The following LARP1B variants were observed in gnomAD, a reference collection of about 807,000 sequenced individuals.
LARP1B encodes the protein La ribonucleoprotein 1B.
In LARP1B, 76 loss-of-function variants were observed where a neutral mutation model predicts 114.2. The ratio of observed to expected loss-of-function variants is 0.67; its 90% CI spans 0.55 to 0.81. The LOEUF is 0.81. Among genes scored for constraint, LARP1B ranks in the 30% least tolerant of loss-of-function variants. LARP1B has a pLI of 0.00. For missense variants in LARP1B, 1,014 were observed against 1,075.8 expected, an observed-to-expected ratio of 0.94 and a Z score of 0.80; for synonymous variants, 345 against 348.0, an observed-to-expected ratio of 0.99 and a Z score of 0.10.
chr4:128,072,118 G>T (rs1486036169), intron 1 of LARP1B, among the ~76,000 whole-genome samples: 1 of 152,018 alleles, frequency 6.6e-6, no homozygotes, highest in Non-Finnish European at 1.5e-5. Context: ...TCGTGCCTCA[G>T]CCTCCAGAGT....
At chr4:128,169,513 T>A (rs1047201196) in intron 12 of LARP1B, among the ~76,000 whole-genome samples, 1 of 152,176 alleles carries the variant, frequency 6.6e-6, no homozygotes, top group Non-Finnish European at 1.5e-5. Flanking sequence ...TCCTGAAATC[T>A]ATTTTTTTGA....
chr4:128,073,572 GTT>G (rs568197117), intron 1 of LARP1B, among the ~76,000 whole-genome samples: 20 of 39,988 alleles, frequency 5.0e-4, no homozygotes, highest in Non-Finnish European at 7.5e-4. Context: ...TATTGTTGTC[GTT>G]TTTTTTTTTT....
intron 7 of LARP1B, 34 bp downstream of exon 7, chr4:128,091,546 G>C: frequency 6.6e-7 from 1 of 1,520,104 alleles, no homozygotes; most frequent in Non-Finnish European, 8.9e-7. Context: ...AGACGGGATA[G>C]CAAAATCTGT....
intron 15 of LARP1B, among the ~76,000 whole-genome samples, chr4:128,183,727 T>G (rs1265531075): frequency 2.6e-5 from 4 of 152,236 alleles, no homozygotes; most frequent in Non-Finnish European, 5.9e-5. Flanking sequence ...TAGTCATTCC[T>G]CTGTTGGACC....
At chr4:128,104,472 C>G (rs746398134) in intron 8 of LARP1B, among the ~76,000 whole-genome samples, 6 of 151,934 alleles carry the variant, frequency 3.9e-5, no homozygotes, top group Non-Finnish European at 8.8e-5. Context: ...TGAGACCGCT[C>G]TCACTCTATG....
At chr4:128,208,159 C>G (rs912090722) in intron 19 of LARP1B, among the ~76,000 whole-genome samples, 7 of 152,024 alleles carry the variant, frequency 4.6e-5, no homozygotes, top group African/African-American at 1.7e-4. Flanking sequence ...AAAACTCTGT[C>G]TCTACTAAAA....
chr4:128,077,818 A>G lies in LARP1B; in HGVS notation c.73A>G (p.Lys25Glu). The G allele has an allele frequency of 1.2e-6, 2 of 1,603,410 alleles. No individual in the cohort carries two copies. Among genetic ancestry groups the G allele is most frequent in the Non-Finnish European group, 1.7e-6 (2 of 1,177,310 alleles). Residue 25 changes from lysine to glutamate, a missense_variant, in exon 4 of 20, where the codon AAG becomes GAG. Transcript: ENST00000326639. ...FQSVLSQGNK[K>E]PQNRKEKEEK... Reference sequence around the variant, plus strand: ...GAGCGTCCTCAGCCAAGGAAATAAAAAGCCACAAAATAGAAAAGAAAAAGA... The same window carrying G: ...GAGCGTCCTCAGCCAAGGAAATAAAGAGCCACAAAATAGAAAAGAAAAAGA...
At chr4:128,172,794 G>A (rs956460308) in intron 12 of LARP1B, among the ~76,000 whole-genome samples, 8 of 152,040 alleles carry the variant, frequency 5.3e-5, no homozygotes, top group African/African-American at 1.9e-4. Context: ...GGCACTTGAA[G>A]TTGTCCCATA....
intron 5 of LARP1B, among the ~76,000 whole-genome samples, chr4:128,082,568 C>T (rs1314930011): frequency 6.6e-6 from 1 of 152,104 alleles, no homozygotes; most frequent in Non-Finnish European, 1.5e-5. Context: ...CCCTCCCCTG[C>T]TCCAAGGATC....
At chr4:128,086,165 G>A (rs760681224) in intron 5 of LARP1B, among the ~76,000 whole-genome samples, 1 of 151,654 alleles carries the variant, frequency 6.6e-6, no homozygotes, top group African/African-American at 2.4e-5. Flanking sequence ...CAGCACGCCC[G>A]GCTATTTTTT....
At chr4:128,098,768 T>TATATATATATATATATATATATATGTA (rs58280279) in intron 8 of LARP1B, among the ~76,000 whole-genome samples, 1 of 18,896 alleles carries the variant, frequency 5.3e-5, no homozygotes, top group African/African-American at 2.1e-4. Flanking sequence ...TATATATATA[T>TATATATATATATATATATATATATGTA]TTTTTTTTTT....
chr4:128,158,183 C>G (rs1736710422), intron 11 of LARP1B, among the ~76,000 whole-genome samples: 1 of 151,934 alleles, frequency 6.6e-6, no homozygotes, highest in South Asian at 2.1e-4. Context: ...AATTTGCAGG[C>G]AAATAGGTGC....
At chr4:128,136,408 TA>T (rs1417590241) in intron 11 of LARP1B, among the ~76,000 whole-genome samples, 1 of 151,764 alleles carries the variant, frequency 6.6e-6, no homozygotes, top group East Asian at 1.9e-4. Context: ...GACTTAGAGA[TA>T]AAAAGCATTA....
chr4:128,072,620 A>G (rs906510983), intron 1 of LARP1B, among the ~76,000 whole-genome samples: 12 of 151,592 alleles, frequency 7.9e-5, no homozygotes, highest in South Asian at 6.3e-4. Flanking sequence ...GCAGTGGTGC[A>G]GTCTCGGCTC....
chr4:128,065,255 TTCTTTCTTTCTTTCTTTCTTTC>T (rs1561009873), intron 1 of LARP1B, among the ~76,000 whole-genome samples: 3 of 57,476 alleles, frequency 5.2e-5, no homozygotes, highest in African/African-American at 1.1e-4. Context: ...CACAATTAAT[TTCTTTCTTTCTTTCTTTCTTTC>T]TTTCTTTCTT....
intron 9 of LARP1B, among the ~76,000 whole-genome samples, chr4:128,111,652 A>G (rs1784150416): frequency 6.6e-6 from 1 of 151,888 alleles, no homozygotes; most frequent in East Asian, 1.9e-4. Flanking sequence ...GTAGTGAGCT[A>G]TGATCATGGC....
chr4:128,107,417 T>C (rs961305908), intron 9 of LARP1B, 104 bp downstream of exon 9: 6 of 1,527,850 alleles, frequency 3.9e-6, no homozygotes, highest in South Asian at 1.3e-5. Flanking sequence ...GATAGGAAAA[T>C]TAAAGCTAAC....
rs1232417421 is a variant in LARP1B at position 128,083,682 on chromosome 4, C to CG, written c.358+1377_358+1378insG. 9.6e-5 allele frequency among the ~76,000 whole-genome samples: 14 copies of CG among 145,256 alleles called. 1 individual carries two copies. The highest frequency in any genetic ancestry group is 1.7e-4 in the Non-Finnish European group (11 of 65,982). ...GGCCAGGTGGGGGGGCTGAGCCCCC[C>CG]CACCTCCCTCCCGGACAGGGTGGCT... On this transcript the variant is annotated intron_variant, in intron 5 of 19. Transcript: ENST00000326639.
chr4:128,122,176 C>A lies in LARP1B; in HGVS notation c.1512C>A (p.His504Gln), dbSNP rs1056610513. 1 of 1,613,744 alleles carries A rather than the reference C, an allele frequency of 6.2e-7. No homozygotes were observed. Among genetic ancestry groups the A allele is most frequent in the African/African-American group, 1.3e-5 (1 of 74,924 alleles). The change falls in exon 11 of 20, where the codon CAC becomes CAA. Residue 504 changes from histidine to glutamine, a missense_variant. Transcript: ENST00000326639. ...DLWMEEDENKHTAIKQEVENF... is the reference protein window; with the variant it reads ...DLWMEEDENKQTAIKQEVENF... ...GGATGGAAGAAGATGAAAACAAACA[C>A]ACAGCCATAAAGGTAATTGTTTCTG...
Sources: gnomAD v4.1 joint callset for allele counts (sites outside exome capture counted in the v4.1 genomes callset) on GRCh38, gnomAD v4.1.1 for gene constraint, MANE v1.5 for transcripts, NCBI Gene and HGNC (gene_info 2026-07-23, HGNC 2026-07-21) for gene names.